The following CDH23 variants were observed in gnomAD, a reference collection of about 807,000 sequenced individuals.
The protein encoded by CDH23 is cadherin-23.
Under a neutral mutation model 317.1 loss-of-function variants are expected in CDH23, and 189 were observed. That is an observed-to-expected ratio of 0.60 (90% CI 0.53 to 0.67). The LOEUF is 0.67. CDH23 is among the 30% of genes least tolerant of loss of function. CDH23 has a pLI of 0.00. For synonymous variants in CDH23, 1,839 were observed against 1,876.8 expected, an observed-to-expected ratio of 0.98 and a Z score of 0.52; for missense variants, 4,401 against 4,592.4, an observed-to-expected ratio of 0.96 and a Z score of 1.20.
At chr10:71,556,354 A>G (rs1348176669) in intron 6 of CDH23, among the ~76,000 whole-genome samples, 4 of 152,042 alleles carry the variant, frequency 2.6e-5, no homozygotes, top group Non-Finnish European at 5.9e-5. Flanking sequence ...TAATCCCAGC[A>G]CTTTGGGAGG....
intron 42 of CDH23, 66 bp downstream of exon 42, chr10:71,784,486 G>A: frequency 1.9e-6 from 3 of 1,567,894 alleles, no homozygotes; most frequent in Non-Finnish European, 1.7e-6. Flanking sequence ...AGAGATTCTT[G>A]TAAACATTGT....
chr10:71,639,946 G>A (rs750311057), intron 11 of CDH23, among the ~76,000 whole-genome samples: 18 of 152,346 alleles, frequency 1.2e-4, no homozygotes, highest in South Asian at 2.1e-4. Flanking sequence ...GAGCATTTTA[G>A]AGGACTTGGT....
intron 1 of CDH23, among the ~76,000 whole-genome samples, chr10:71,403,460 TCCTTC>T (rs1847943639): frequency 2.6e-5 from 1 of 39,196 alleles, no homozygotes; most frequent in Non-Finnish European, 4.6e-5. Flanking sequence ...TTCCTTTCCT[TCCTTC>T]CTTCCTTCCT....
intron 38 of CDH23, among the ~76,000 whole-genome samples, chr10:71,757,025 C>A (rs1267640008): frequency 6.6e-6 from 1 of 152,220 alleles, no homozygotes; most frequent in Non-Finnish European, 1.5e-5. Flanking sequence ...CAGCAGGTTC[C>A]CTGCAGATCT....
In CDH23 at chr10:71,679,429, A is replaced by G; in HGVS notation, c.1795A>G (p.Ser599Gly). The change falls in exon 17 of 70, where the codon AGC becomes GGC. Residue 599 changes from serine (S) to glycine (G), a missense_variant. Physicochemically the swap from Ser to Gly is moderately conservative, Grantham distance 56. This residue lies in a region of CDH23 where 3,068 missense variants were observed against 3,203.3 expected (regional missense o/e 0.96). Coordinates refer to ENST00000224721, the MANE Select transcript of CDH23 (RefSeq NM_022124.6). The part of the protein sequence containing the change: ...DSPPNNQITY[S>G]IVSASAFGSY... ...CCCTCCCAACAACCAGATCACCTAC[A>G]GCATTGTCAGTGCATCTGCCTTTGG... 1 of 1,613,754 alleles carries G rather than the reference A, an allele frequency of 6.2e-7. No individual in the cohort carries two copies. The highest frequency in any genetic ancestry group is 8.5e-7 in the Non-Finnish European group (1 of 1,179,782).
At chr10:71,545,192 C>T (rs938823743) in intron 6 of CDH23, among the ~76,000 whole-genome samples, 3 of 152,156 alleles carry the variant, frequency 2.0e-5, no homozygotes, top group African/African-American at 7.2e-5. Context: ...GCTCCTGCTA[C>T]AAGAGGGAAA....
intron 9 of CDH23, among the ~76,000 whole-genome samples, chr10:71,589,700 G>T (rs775623502): frequency 1.3e-5 from 2 of 152,214 alleles, no homozygotes; most frequent in South Asian, 2.1e-4. Flanking sequence ...GTTGCCACCC[G>T]CAGGGTAGGG....
At chr10:71,415,502 G>A (rs2131932609) in intron 1 of CDH23, among the ~76,000 whole-genome samples, 1 of 152,148 alleles carries the variant, frequency 6.6e-6, no homozygotes, top group African/African-American at 2.4e-5. Context: ...ATTAAATTTT[G>A]TGTTCTATGT....
At chr10:71,750,468 A>T (rs1839967986) in intron 38 of CDH23, 1 of 152,202 alleles carries the variant, frequency 6.6e-6, no homozygotes, top group Non-Finnish European at 1.5e-5. Context: ...GCCCCTCTCC[A>T]CTCACCTTCC....
intron 3 of CDH23, among the ~76,000 whole-genome samples, chr10:71,452,994 T>C (rs1261796341): frequency 6.6e-6 from 1 of 151,792 alleles, no homozygotes; most frequent in Non-Finnish European, 1.5e-5. Context: ...GGTAGATGAG[T>C]GGATGGGTGA....
rs1192366225 is a variant in CDH23, at chr10:71,517,557, C to CT, written c.429+6346dup. On this transcript the variant is annotated intron_variant, in intron 6 of 69. Coordinates refer to ENST00000224721, the MANE Select transcript of CDH23 (RefSeq NM_022124.6). ...TGCATCCTCAGGTTGCAGCGAGAAG[C>CT]TGGGGGGGAGATGCGAGGGGGCTCC... 2.8e-4 allele frequency among the ~76,000 whole-genome samples: 20 copies of CT among 71,606 alleles called. 1 individual carries two copies. The highest frequency in any genetic ancestry group is 4.8e-4 in the East Asian group (1 of 2,100). 47.0% of individuals were successfully genotyped at this position (71,606 alleles called of 152,430 possible).
chr10:71,554,365 T>G (rs1464503935), intron 6 of CDH23, among the ~76,000 whole-genome samples: 1 of 63,156 alleles, frequency 1.6e-5, no homozygotes, highest in East Asian at 1.3e-3. Flanking sequence ...ACTGGACTAA[T>G]TTTTTTTTTT....
intron 38 of CDH23, chr10:71,760,774 G>T: frequency 8.4e-7 from 1 of 1,193,868 alleles, no homozygotes; most frequent in Non-Finnish European, 1.3e-6. Flanking sequence ...GAGGGCTTGG[G>T]GTGATGAGGC....
At chr10:71,810,356 C>T (rs1841878996) in intron 61 of CDH23, 116 bp from the exon 62 acceptor site, 3 of 974,112 alleles carry the variant, frequency 3.1e-6, no homozygotes. Context: ...TTCAAACATT[C>T]AGTAGTGAAG....
At chr10:71,587,129 A>G (rs1859127742) in intron 9 of CDH23, among the ~76,000 whole-genome samples, 1 of 152,248 alleles carries the variant, frequency 6.6e-6, no homozygotes, top group Non-Finnish European at 1.5e-5. Context: ...GCTAAGACGC[A>G]AAGAGCTCAT....
chr10:71,808,328 TTTTA>T (rs1357463241), intron 60 of CDH23, among the ~76,000 whole-genome samples: 2 of 152,182 alleles, frequency 1.3e-5, no homozygotes, highest in African/African-American at 4.8e-5. Flanking sequence ...CCATCCCTCA[TTTTA>T]TCCTTCCATC....
intron 3 of CDH23, among the ~76,000 whole-genome samples, chr10:71,506,892 T>C (rs1045406218): frequency 6.6e-6 from 1 of 151,972 alleles, no homozygotes; most frequent in Non-Finnish European, 1.5e-5. Context: ...CAGCACATAA[T>C]TGAGGGGAAA....
chr10:71,467,000 G>T (rs1048694378), intron 3 of CDH23, among the ~76,000 whole-genome samples: 4 of 152,126 alleles, frequency 2.6e-5, no homozygotes, highest in African/African-American at 9.7e-5. Flanking sequence ...CCACAGGGAT[G>T]GGTGTGCTCT....
At chr10:71,631,692 C>T (rs1271521243) in intron 11 of CDH23, among the ~76,000 whole-genome samples, 1 of 152,224 alleles carries the variant, frequency 6.6e-6, no homozygotes, top group Non-Finnish European at 1.5e-5. Flanking sequence ...TTTCTCTCTC[C>T]TGCCTCCAGA....
Sources: gnomAD v4.1 joint callset for allele counts (sites outside exome capture counted in the v4.1 genomes callset) on GRCh38, gnomAD v4.1.1 for gene constraint, gnomAD v4.1.1 regional missense constraint, MANE v1.5 for transcripts, NCBI Gene and HGNC (gene_info 2026-07-23, HGNC 2026-07-21) for gene names.